Variants in CNTNAP4 observed in about 807,000 individuals in gnomAD.
CNTNAP4 encodes contactin-associated protein-like 4.
In CNTNAP4, 98 loss-of-function variants were observed where a neutral mutation model predicts 148.4. The observed-to-expected ratio is 0.66, with a 90% CI of 0.56 to 0.78. The LOEUF (loss-of-function observed/expected upper bound fraction) is 0.78. Ranked by LOEUF, CNTNAP4 falls within the 30% of genes least tolerant of loss-of-function variation. CNTNAP4 has a pLI of 0.00. For missense variants in CNTNAP4, 1,935 were observed against 1,565.6 expected, an observed-to-expected ratio of 1.24 and a Z score of -3.98; for synonymous variants, 730 against 565.1, an observed-to-expected ratio of 1.29 and a Z score of -4.14.
chr16:76,446,786 G>A (rs566760561), intron 4 of CNTNAP4, among the ~76,000 whole-genome samples: 1 of 152,254 alleles, frequency 6.6e-6, no homozygotes, highest in African/African-American at 2.4e-5. Context: ...GGCGGCATTT[G>A]ATGAGTCTAT....
At chr16:76,416,928 G>C (rs1340283607) in intron 3 of CNTNAP4, among the ~76,000 whole-genome samples, 1 of 151,212 alleles carries the variant, frequency 6.6e-6, no homozygotes, top group Admixed American at 6.6e-5. Flanking sequence ...TTACCATCTT[G>C]GAAAATTGAT....
intron 15 of CNTNAP4, among the ~76,000 whole-genome samples, chr16:76,518,924 C>G (rs1377146818): frequency 6.6e-6 from 1 of 152,090 alleles, no homozygotes; most frequent in Non-Finnish European, 1.5e-5. Flanking sequence ...TTTAAACCAC[C>G]TAATCCATAG....
chr16:76,349,232 T>C (rs769605095), intron 2 of CNTNAP4, among the ~76,000 whole-genome samples: 1 of 152,148 alleles, frequency 6.6e-6, no homozygotes, highest in Admixed American at 6.6e-5. Flanking sequence ...CTGTATCTTA[T>C]CTTCTCAGCA....
At chr16:76,298,412 G>T (rs985844497) in intron 1 of CNTNAP4, among the ~76,000 whole-genome samples, 2 of 152,056 alleles carry the variant, frequency 1.3e-5, no homozygotes, top group Non-Finnish European at 2.9e-5. Context: ...AGAATTAACA[G>T]TCTAGCTTTT....
intron 1 of CNTNAP4, among the ~76,000 whole-genome samples, chr16:76,289,997 A>C (rs2143819679): frequency 6.6e-6 from 1 of 152,322 alleles, no homozygotes; most frequent in African/African-American, 2.4e-5. Flanking sequence ...TTATTGCCAG[A>C]AGTTTATAGT....
At chr16:76,366,369 T>TAGG (rs1287157113) in intron 3 of CNTNAP4, among the ~76,000 whole-genome samples, 2 of 152,186 alleles carry the variant, frequency 1.3e-5, no homozygotes, top group African/African-American at 2.4e-5. Context: ...CACTTATAAG[T>TAGG]AGGAACATAT....
chr16:76,515,676 C>A (rs2083218551), intron 15 of CNTNAP4, among the ~76,000 whole-genome samples: 1 of 152,104 alleles, frequency 6.6e-6, no homozygotes, highest in African/African-American at 2.4e-5. Flanking sequence ...GGAGGTTCAA[C>A]CAAAGAAGGT....
intron 21 of CNTNAP4, among the ~76,000 whole-genome samples, chr16:76,549,462 C>G (rs183418031): frequency 2.6e-5 from 4 of 152,094 alleles, no homozygotes; most frequent in Admixed American, 2.6e-4. Flanking sequence ...CACCGGCAAG[C>G]AGATTAAAAA....
rs148958733 is a variant in CNTNAP4, at chr16:76,523,353, C to T, written c.2755+1096C>T. On this transcript the variant is annotated intron_variant, in intron 17 of 23. Transcript: ENST00000611870. ...ATGTTTGACAGTTTCACCAGTTCCT[C>T]TGCTATTTTCCCTCATTTTGCCCAT... is the stretch of plus-strand genomic sequence containing the variant. 5.2e-3 allele frequency among the ~76,000 whole-genome samples: 783 copies of T among 151,594 alleles called. 2 individuals are homozygous for T. Among genetic ancestry groups the T allele is most frequent in the Middle Eastern group, 0.027 (8 of 294 alleles).
At position 76,535,564 on chromosome 16, in the gene CNTNAP4, G is replaced by C; in HGVS notation, c.2775G>C (p.Gln925His). Residue 925 changes from glutamine (Q) to histidine (H), a missense_variant, in exon 18 of 24, where the codon CAG becomes CAC. Physicochemically the swap from Gln to His is conservative, Grantham distance 24 (BLOSUM62 0). Coordinates refer to ENST00000611870, the MANE Select transcript of CNTNAP4 (RefSeq NM_033401.5). Reference sequence around the variant, plus strand: ...TTTTAGGTGGAACGGCCACCAGACAGAGAGGCTTTCTGGGCTGCATTCGGT... The same window carrying C: ...TTTTAGGTGGAACGGCCACCAGACACAGAGGCTTTCTGGGCTGCATTCGGT... ...QLFVGGTATR[Q>H]RGFLGCIRSL... 6.2e-7 allele frequency: 1 copy of C among 1,612,312 alleles called. No individual in the cohort carries two copies.
chr16:76,521,489 A>G (rs889778701), intron 16 of CNTNAP4, among the ~76,000 whole-genome samples, 179 bp downstream of exon 16: 4 of 152,130 alleles, frequency 2.6e-5, no homozygotes, highest in Non-Finnish European at 5.9e-5. Context: ...GATACTTAAC[A>G]TGTGATAATT....
chr16:76,362,540 G>C (rs1475352876), intron 3 of CNTNAP4, among the ~76,000 whole-genome samples: 2 of 152,118 alleles, frequency 1.3e-5, no homozygotes, highest in East Asian at 1.9e-4. Context: ...CTACAATATG[G>C]TGCTGGCATA....
intron 17 of CNTNAP4, among the ~76,000 whole-genome samples, chr16:76,523,320 T>C (rs1026360966): frequency 3.7e-5 from 5 of 135,744 alleles, no homozygotes; most frequent in Non-Finnish European, 7.6e-5. Context: ...CCAGTGTGTA[T>C]AGAATTCATG....
intron 3 of CNTNAP4, among the ~76,000 whole-genome samples, chr16:76,399,060 C>G (rs1378342958): frequency 6.6e-6 from 1 of 152,174 alleles, no homozygotes; most frequent in African/African-American, 2.4e-5. Flanking sequence ...CGCAAGCTCT[C>G]TTGCCTGCCA....
At chr16:76,483,635 G>A (rs982176654) in intron 12 of CNTNAP4, among the ~76,000 whole-genome samples, 27 of 152,096 alleles carry the variant, frequency 1.8e-4, no homozygotes, top group East Asian at 5.8e-4. Flanking sequence ...AGTAGGGGGC[G>A]TTTTAAACAG....
intron 13 of CNTNAP4, among the ~76,000 whole-genome samples, chr16:76,492,705 G>C (rs2082267089): frequency 6.6e-6 from 1 of 152,170 alleles, no homozygotes; most frequent in Non-Finnish European, 1.5e-5. Context: ...TTATAAATGA[G>C]AGTTCCTCTG....
intron 1 of CNTNAP4, among the ~76,000 whole-genome samples, chr16:76,298,581 C>T (rs1178846718): frequency 2.0e-5 from 3 of 151,180 alleles, no homozygotes; most frequent in South Asian, 2.1e-4. Context: ...CTAGGGTCCA[C>T]CCAAGCGGAA....
intron 17 of CNTNAP4, among the ~76,000 whole-genome samples, chr16:76,522,683 T>TTC (rs1568496652): frequency 2.1e-5 from 2 of 93,438 alleles, no homozygotes; most frequent in African/African-American, 9.2e-5. Flanking sequence ...TCTCTCTTTC[T>TTC]CTCCTTTCTT....
chr16:76,490,053 C>T (rs1184571877), intron 13 of CNTNAP4, among the ~76,000 whole-genome samples, 170 bp downstream of exon 13: 1 of 152,090 alleles, frequency 6.6e-6, no homozygotes, highest in Non-Finnish European at 1.5e-5. Context: ...GATGCTTCTG[C>T]CTGAAGAAAA....
Sources: allele counts gnomAD v4.1 joint callset (sites outside exome capture counted in the v4.1 genomes callset), GRCh38; gene constraint gnomAD v4.1.1; transcripts MANE v1.5; gene names NCBI Gene and HGNC (gene_info 2026-07-23, HGNC 2026-07-21).